IFNGR2: variants seen among roughly 807,000 people sequenced by gnomAD.
The protein encoded by IFNGR2 is IFN-gamma receptor 2.
In IFNGR2, 15 loss-of-function variants were observed where a neutral mutation model predicts 41.1. That is an observed-to-expected ratio of 0.37 (90% confidence interval 0.24 to 0.56). The LOEUF is 0.56. Among genes scored for constraint, IFNGR2 ranks in the 20% least tolerant of loss-of-function variants. The pLI, the probability that IFNGR2 is intolerant of heterozygous loss-of-function variation, is 0.81. For synonymous variants in IFNGR2, 161 were observed against 171.6 expected, an observed-to-expected ratio of 0.94 and a Z score of 0.48; for missense variants, 362 against 415.7, an observed-to-expected ratio of 0.87 and a Z score of 1.12.
chr21:33,419,715 T>C (rs1017103540), intron 2 of IFNGR2, among the ~76,000 whole-genome samples: 6 of 152,196 alleles, frequency 3.9e-5, no homozygotes, highest in African/African-American at 1.4e-4. Flanking sequence ...CATATCTGGT[T>C]ATTTTCTTAC....
At chr21:33,429,101 A>C (rs956818241) in intron 4 of IFNGR2, among the ~76,000 whole-genome samples, 1 of 152,188 alleles carries the variant, frequency 6.6e-6, no homozygotes, top group Non-Finnish European at 1.5e-5. Flanking sequence ...GTATAAAATG[A>C]AACAACTGAG....
intron 1 of IFNGR2, among the ~76,000 whole-genome samples, chr21:33,407,255 C>A (rs868549899): frequency 3.3e-5 from 5 of 151,728 alleles, no homozygotes; most frequent in African/African-American, 9.7e-5. Context: ...ACTTGAACAG[C>A]CAGAGCTTCT....
Position 33,432,842 on chromosome 21 carries a change from C to A in IFNGR2, c.850C>A (p.Pro284Thr), listed in dbSNP as rs1156828361. 3 of 1,613,578 alleles carry A rather than the reference C, an allele frequency of 1.9e-6. No homozygotes were observed. The highest frequency in any genetic ancestry group is 2.2e-5 in the East Asian group (1 of 44,874). Residue 284 changes from proline to threonine, a missense_variant, in exon 6 of 7, where the codon CCA (proline) becomes ACA (threonine). Transcript: ENST00000290219. ...CCTGATTAAATACTGGTTTCACACTCCACCAAGCATCCCATTACAGATAGA... is the reference window on the plus strand; with the variant it reads ...CCTGATTAAATACTGGTTTCACACTACACCAAGCATCCCATTACAGATAGA... ...RGLIKYWFHTPPSIPLQIEEY... is the reference protein window; with the variant it reads ...RGLIKYWFHTTPSIPLQIEEY...
At chr21:33,428,934 G>A (rs577500928) in intron 4 of IFNGR2, among the ~76,000 whole-genome samples, 1 of 152,280 alleles carries the variant, frequency 6.6e-6, no homozygotes, top group African/African-American at 2.4e-5. Flanking sequence ...CTAGAGCTGG[G>A]CAGGGCTGCC....
At chr21:33,405,609 G>A (rs2083672425) in intron 1 of IFNGR2, among the ~76,000 whole-genome samples, 1 of 152,198 alleles carries the variant, frequency 6.6e-6, no homozygotes, top group Non-Finnish European at 1.5e-5. Flanking sequence ...GAGGTTGAAA[G>A]ATGTATTTAG....
chr21:33,433,768 T>G (rs1314788198), intron 6 of IFNGR2, among the ~76,000 whole-genome samples: 2 of 149,204 alleles, frequency 1.3e-5, no homozygotes, highest in Non-Finnish European at 2.9e-5. Context: ...TTTTATGTTA[T>G]GTGTATTTTA....
chr21:33,424,532 C>T (rs970262854), intron 3 of IFNGR2, among the ~76,000 whole-genome samples: 55 of 152,068 alleles, frequency 3.6e-4, no homozygotes, highest in Admixed American at 3.5e-3. Flanking sequence ...TTCACCTCTG[C>T]TGGTGGCGTT....
rs2083791436 is a variant in IFNGR2, at chr21:33,421,465, T to A, written c.207-15T>A. ...CAGAGAATTCTGTGAATTGAAATCC[T>A]TTTTTCCTTCCCAGCACCGACAGTA... On this transcript the variant is annotated splice_polypyrimidine_tract_variant and intron_variant, in intron 2 of 6. Coordinates refer to ENST00000290219, the MANE Select transcript of IFNGR2 (RefSeq NM_005534.4). 6.2e-7 allele frequency: 1 copy of A among 1,604,874 alleles called. No individual in the cohort carries two copies. The highest frequency in any genetic ancestry group is 1.1e-5 in the South Asian group (1 of 90,906).
intron 1 of IFNGR2, among the ~76,000 whole-genome samples, chr21:33,404,493 A>C (rs952380244): frequency 1.3e-5 from 2 of 152,048 alleles, no homozygotes; most frequent in Non-Finnish European, 2.9e-5. Flanking sequence ...GCTGGAGTGC[A>C]GTGGGCAGCA....
chr21:33,431,386 A>G (rs976975640), intron 4 of IFNGR2, among the ~76,000 whole-genome samples: 1 of 152,144 alleles, frequency 6.6e-6, no homozygotes, highest in African/African-American at 2.4e-5. Context: ...CCTGGGCAAC[A>G]TGGTGAAACC....
chr21:33,404,167 C>T (rs1040624182), intron 1 of IFNGR2, among the ~76,000 whole-genome samples: 1 of 152,270 alleles, frequency 6.6e-6, no homozygotes, highest in Non-Finnish European at 1.5e-5. Context: ...TGCGCTTAGT[C>T]CCCGCCTGGA....
At chr21:33,416,549 A>G (rs1040462180) in intron 2 of IFNGR2, among the ~76,000 whole-genome samples, 2 of 152,150 alleles carry the variant, frequency 1.3e-5, no homozygotes, top group Non-Finnish European at 2.9e-5. Context: ...TAGGCCAGGC[A>G]TGGTGGCTCA....
At chr21:33,421,162 T>C (rs2083788594) in intron 2 of IFNGR2, among the ~76,000 whole-genome samples, 1 of 151,986 alleles carries the variant, frequency 6.6e-6, no homozygotes, top group Non-Finnish European at 1.5e-5. Flanking sequence ...TGACACCCCA[T>C]CTCTACTAAA....
intron 1 of IFNGR2, among the ~76,000 whole-genome samples, chr21:33,407,009 G>A (rs1282668649): frequency 6.6e-6 from 1 of 152,094 alleles, no homozygotes; most frequent in Admixed American, 6.6e-5. Context: ...TGTAAGAGTA[G>A]AATATGTAAA....
chr21:33,404,081 G>C (rs2083660629), intron 1 of IFNGR2, among the ~76,000 whole-genome samples: 1 of 152,252 alleles, frequency 6.6e-6, no homozygotes, highest in Admixed American at 6.5e-5. Flanking sequence ...TTCTCGGAAT[G>C]AACAACAGCA....
intron 4 of IFNGR2, among the ~76,000 whole-genome samples, chr21:33,429,952 A>G (rs1449729755): frequency 6.6e-6 from 1 of 152,206 alleles, no homozygotes; most frequent in Admixed American, 6.5e-5. Context: ...AGGCCTGGCT[A>G]GCATGGTGAA....
chr21:33,404,879 G>C (rs988352835), intron 1 of IFNGR2, among the ~76,000 whole-genome samples: 4 of 152,154 alleles, frequency 2.6e-5, no homozygotes, highest in African/African-American at 9.7e-5. Flanking sequence ...TGTAATCCCA[G>C]CACTTTGGGA....
At chr21:33,428,488 A>G (rs530863399) in intron 4 of IFNGR2, among the ~76,000 whole-genome samples, 5 of 152,258 alleles carry the variant, frequency 3.3e-5, no homozygotes, top group East Asian at 1.9e-4. Flanking sequence ...TCAGTCTCCA[A>G]AAGTGCTGAG....
chr21:33,410,789 G>A lies in IFNGR2; in HGVS notation c.74-4099G>A, dbSNP rs762217042. 5.5e-6 allele frequency: 7 copies of A among 1,279,456 alleles called. No individual in the cohort carries two copies. In the South Asian group the frequency reaches 6.4e-5, roughly 12 times the overall value. The allele number at this position is 1,279,456 out of a possible 1,614,324, so 79.3% of individuals were successfully genotyped here. On this transcript the variant is annotated intron_variant, in intron 1 of 6. Transcript: ENST00000290219. ...ATCCAATTAGAATAACTTTTTACATGTTGTATTTTTAAAATTCATAACTCA... is the reference window on the plus strand; with the variant it reads ...ATCCAATTAGAATAACTTTTTACATATTGTATTTTTAAAATTCATAACTCA...
Sources: gnomAD v4.1 joint callset for allele counts (sites outside exome capture counted in the v4.1 genomes callset) on GRCh38, gnomAD v4.1.1 for gene constraint, MANE v1.5 for transcripts, NCBI Gene and HGNC (gene_info 2026-07-23, HGNC 2026-07-21) for gene names.